DNAJC1: variants seen among roughly 807,000 people sequenced by gnomAD.
The protein encoded by DNAJC1 is dnaJ homolog subfamily C member 1.
DNAJC1 carries 58 observed loss-of-function variants against 76.6 expected under a neutral mutation model. That is an observed-to-expected ratio of 0.76 (90% CI 0.61 to 0.94). The LOEUF (loss-of-function observed/expected upper bound fraction) is 0.94. Ranked by LOEUF, DNAJC1 falls within the 40% of genes least tolerant of loss-of-function variation. The pLI is 0.00. For missense variants in DNAJC1, 689 were observed against 677.3 expected (o/e 1.02, Z -0.19); for synonymous variants, 258 against 267.9 (o/e 0.96, Z 0.36).
In DNAJC1 at chr10:21,898,928, T is replaced by C. The variant is rs1330953888; in HGVS notation, c.820+5594A>G. Reference sequence around the variant, plus strand: ...AAAAGGGGTGAGTGAATTCAGCACCTTCAACTGAAATATCCCGGTTCTCAC... The same window carrying C: ...AAAAGGGGTGAGTGAATTCAGCACCCTCAACTGAAATATCCCGGTTCTCAC... On this transcript the variant is annotated intron_variant, in intron 7 of 11. Coordinates refer to ENST00000376980, the MANE Select transcript of DNAJC1 (RefSeq NM_022365.4). 5.9e-5 allele frequency among the ~76,000 whole-genome samples: 9 copies of C among 151,962 alleles called. No individual in the cohort carries two copies. In the East Asian group the frequency reaches 1.5e-3, roughly 26 times the overall value.
At position 21,813,150 on chromosome 10, in the gene DNAJC1, G is replaced by GTC. The variant is rs1179588600; in HGVS notation, c.979-7053_979-7052dup. 9.2e-4 allele frequency among the ~76,000 whole-genome samples: 61 copies of GTC among 66,116 alleles called. 3 individuals are homozygous for GTC. Among genetic ancestry groups the GTC allele is most frequent in the African/African-American group, 3.6e-3 (55 of 15,282 alleles). The allele number at this position is 66,116 out of a possible 152,430, so 43.4% of individuals were successfully genotyped here. A position where few individuals can be genotyped will look rare whatever the true frequency, so the allele number is the denominator to read the frequency against. ...TGCCTTGCTCTTTCTTGGGTTACTT[G>GTC]TCTCTCTCTCTCTCTCTCTCTCTCC... On this transcript the variant is annotated intron_variant, in intron 8 of 11. Transcript: ENST00000376980.
intron 1 of DNAJC1, among the ~76,000 whole-genome samples, chr10:21,949,323 T>C (rs1837554335): frequency 1.3e-5 from 2 of 151,870 alleles, no homozygotes; most frequent in African/African-American, 4.8e-5. Context: ...TTTCCAGAAC[T>C]AGAGTTATGT....
chr10:21,941,268 C>CAAAAA (rs11435502), intron 1 of DNAJC1, among the ~76,000 whole-genome samples: 4 of 43,648 alleles, frequency 9.2e-5, no homozygotes, highest in African/African-American at 2.1e-4. Context: ...GACACTGTCT[C>CAAAAA]AAAAAAAAAA....
intron 1 of DNAJC1, among the ~76,000 whole-genome samples, chr10:21,945,718 T>C (rs968485905): frequency 6.6e-6 from 1 of 151,826 alleles, no homozygotes; most frequent in Non-Finnish European, 1.5e-5. Context: ...TTAACAGGCA[T>C]GAGGGTACAA....
intron 9 of DNAJC1, among the ~76,000 whole-genome samples, chr10:21,777,204 T>G (rs532276830): frequency 2.8e-4 from 42 of 152,308 alleles, no homozygotes; most frequent in Middle Eastern, 3.4e-3. Flanking sequence ...GGGTTTAAAG[T>G]AGACACCATT....
intron 8 of DNAJC1, among the ~76,000 whole-genome samples, chr10:21,814,253 G>A (rs972595012): frequency 2.0e-5 from 3 of 152,152 alleles, no homozygotes; most frequent in South Asian, 2.1e-4. Flanking sequence ...CCAGGAAATA[G>A]GTTCAAACAC....
At chr10:21,942,462 T>A (rs1485767818) in intron 1 of DNAJC1, among the ~76,000 whole-genome samples, 1 of 151,964 alleles carries the variant, frequency 6.6e-6, no homozygotes, top group Non-Finnish European at 1.5e-5. Flanking sequence ...GAATAATAAT[T>A]TTTAAAACAC....
chr10:21,988,303 C>CATT (rs1564846222), intron 1 of DNAJC1, among the ~76,000 whole-genome samples: 1 of 151,974 alleles, frequency 6.6e-6, no homozygotes, highest in African/African-American at 2.4e-5. Context: ...TTTAAAAGAT[C>CATT]ATTACACTAC....
chr10:21,858,196 C>T (rs757466396), intron 8 of DNAJC1, among the ~76,000 whole-genome samples: 2 of 151,982 alleles, frequency 1.3e-5, no homozygotes, highest in Non-Finnish European at 2.9e-5. Context: ...GTAAGGGCAA[C>T]ATTATCTCTC....
intron 1 of DNAJC1, among the ~76,000 whole-genome samples, chr10:21,981,945 C>T (rs2131838272): frequency 6.6e-6 from 1 of 152,276 alleles, no homozygotes; most frequent in East Asian, 1.9e-4. Flanking sequence ...TGACCAAATT[C>T]CTCATTCCCC....
At chr10:21,924,049 T>G (rs1284142817) in intron 3 of DNAJC1, among the ~76,000 whole-genome samples, 1 of 152,064 alleles carries the variant, frequency 6.6e-6, no homozygotes, top group African/African-American at 2.4e-5. Flanking sequence ...TAATTTCCAC[T>G]TAGGTCACAT....
At chr10:21,823,998 A>G (rs1835201688) in intron 8 of DNAJC1, among the ~76,000 whole-genome samples, 1 of 152,232 alleles carries the variant, frequency 6.6e-6, no homozygotes, top group Admixed American at 6.5e-5. Flanking sequence ...AGGTAAAAAC[A>G]TATGGACAAA....
chr10:21,909,704 C>G (rs1753594689), intron 6 of DNAJC1, among the ~76,000 whole-genome samples: 1 of 152,206 alleles, frequency 6.6e-6, no homozygotes, highest in African/African-American at 2.4e-5. Context: ...ATGGAAATAT[C>G]ATGTGTCATT....
At chr10:21,807,691 A>G (rs1834901259) in intron 8 of DNAJC1, among the ~76,000 whole-genome samples, 1 of 152,124 alleles carries the variant, frequency 6.6e-6, no homozygotes, top group Non-Finnish European at 1.5e-5. Context: ...CAATCATTCT[A>G]TTTTGTATCC....
At chr10:21,828,226 T>C (rs1288485698) in intron 8 of DNAJC1, among the ~76,000 whole-genome samples, 1 of 152,218 alleles carries the variant, frequency 6.6e-6, no homozygotes, top group African/African-American at 2.4e-5. Flanking sequence ...TGGGGTCTGC[T>C]AGAGTAGTGC....
intron 1 of DNAJC1, among the ~76,000 whole-genome samples, chr10:21,952,240 T>G (rs568161108): frequency 6.6e-6 from 1 of 152,244 alleles, no homozygotes; most frequent in East Asian, 1.9e-4. Context: ...GCTTCTCATA[T>G]AATTTTTCAG....
intron 9 of DNAJC1, among the ~76,000 whole-genome samples, chr10:21,770,392 CTTCTTTTTTTTTTTTTTTT>C (rs1345589468): frequency 2.2e-5 from 3 of 134,556 alleles, no homozygotes; most frequent in African/African-American, 8.4e-5. Context: ...TTATTTTTTT[CTTCTTTTTTTTTTTTTTTT>C]TTTTGAGATG....
intron 1 of DNAJC1, among the ~76,000 whole-genome samples, chr10:21,959,470 G>A (rs775358806): frequency 8.6e-5 from 13 of 152,042 alleles, no homozygotes; most frequent in Non-Finnish European, 1.5e-4. Flanking sequence ...AGTTTCTCCT[G>A]AATGTGGAAT....
chr10:21,961,482 A>T (rs541664317), intron 1 of DNAJC1, among the ~76,000 whole-genome samples: 1 of 149,130 alleles, frequency 6.7e-6, no homozygotes, highest in African/African-American at 2.6e-5. Context: ...CAAAAGGACA[A>T]ATATTGTTAT....
Sources: allele counts gnomAD v4.1 joint callset (sites outside exome capture counted in the v4.1 genomes callset), GRCh38; gene constraint gnomAD v4.1.1; transcripts MANE v1.5; gene names NCBI Gene and HGNC (gene_info 2026-07-23, HGNC 2026-07-21).